SHROOM2: variants seen among roughly 807,000 people sequenced by gnomAD.
SHROOM2 encodes the protein protein Shroom2.
In SHROOM2, 33 loss-of-function variants were observed where a neutral mutation model predicts 75.9. The ratio of observed to expected loss-of-function variants is 0.43; its 90% CI spans 0.33 to 0.58. The LOEUF (loss-of-function observed/expected upper bound fraction) is 0.58, where lower values mean the gene tolerates loss of function less well. SHROOM2 is among the 20% of genes least tolerant of loss of function. The probability of loss-of-function intolerance (pLI) is 0.04; values close to 1 mark genes in which losing one functional copy is unlikely to be tolerated. For missense variants in SHROOM2, 1,434 were observed against 1,461.2 expected, an observed-to-expected ratio of 0.98 and a Z score of 0.30; for synonymous variants, 655 against 663.6, an observed-to-expected ratio of 0.99 and a Z score of 0.20.
intron 1 of SHROOM2, among the ~76,000 whole-genome samples, chrX:9,789,119 A>G (rs1349058414): frequency 9.0e-6 from 1 of 111,604 alleles, no homozygotes; most frequent in Non-Finnish European, 1.9e-5. Context: ...CTTTATTTAC[A>G]TAGTCAAACT....
intron 5 of SHROOM2, among the ~76,000 whole-genome samples, chrX:9,927,604 T>G (rs761651327): frequency 1.8e-5 from 2 of 111,549 alleles, no homozygotes; most frequent in South Asian, 7.4e-4. Flanking sequence ...CTTGAAAAAA[T>G]GCAGCTTCTC....
At chrX:9,818,682 C>T in intron 1 of SHROOM2, 1 of 403,597 alleles carries the variant, frequency 2.5e-6, no homozygotes, top group Non-Finnish European at 4.5e-6. Context: ...GAACTTCAGT[C>T]AGAACAAGAG....
rs550813223 is a variant in SHROOM2, at chrX:9,894,056, G to A, written c.450-302G>A. 3.6e-5 allele frequency among the ~76,000 whole-genome samples: 4 copies of A among 111,254 alleles called. No individual in the cohort carries two copies. In the South Asian group the frequency reaches 1.5e-3, roughly 43 times the overall value. On this transcript the variant is annotated intron_variant, in intron 3 of 9. Coordinates refer to ENST00000380913, the MANE Select transcript of SHROOM2 (RefSeq NM_001649.4). The stretch of plus-strand genomic sequence containing the variant: ...TGACCATAGACGTGTAAATGCAGAC[G>A]TTGCCTGCCAACGATCCGGGCATCA...
At chrX:9,808,938 G>T (rs1157893426) in intron 1 of SHROOM2, among the ~76,000 whole-genome samples, 1 of 110,316 alleles carries the variant, frequency 9.1e-6, no homozygotes, top group Non-Finnish European at 1.9e-5. Context: ...ACAGTTTAGT[G>T]GTATTTTTTC....
At chrX:9,838,311 C>T (rs1010838958) in intron 1 of SHROOM2, among the ~76,000 whole-genome samples, 6 of 110,349 alleles carry the variant, frequency 5.4e-5, no homozygotes, top group East Asian at 2.8e-4. Flanking sequence ...CCACCCGCTT[C>T]GGCCTCCCAA....
intron 1 of SHROOM2, among the ~76,000 whole-genome samples, chrX:9,806,877 C>G (rs961125067): frequency 4.5e-5 from 5 of 111,274 alleles, no homozygotes. Context: ...GCCTGCGCCA[C>G]CATACCTGGC....
intron 1 of SHROOM2, among the ~76,000 whole-genome samples, chrX:9,795,081 T>TC (rs2083687651): frequency 9.9e-6 from 1 of 101,238 alleles, no homozygotes; most frequent in Non-Finnish European, 2.0e-5. Flanking sequence ...GTCTACTTTT[T>TC]CCCTCTCATT....
chrX:9,788,493 G>T (rs73473832), intron 1 of SHROOM2, among the ~76,000 whole-genome samples: 4,139 of 110,976 alleles, frequency 0.037, 173 homozygotes, highest in African/African-American at 0.13. Flanking sequence ...AGGCTGGTTC[G>T]GTCCTGGTCT....
At position 9,895,367 on chromosome X, in the gene SHROOM2, G is replaced by C; in HGVS notation, c.1459G>C (p.Ala487Pro). The change falls in exon 4 of 10, where the codon GCA becomes CCA. Residue 487 changes from alanine (A) to proline (P), a missense_variant. Coordinates refer to ENST00000380913, the MANE Select transcript of SHROOM2 (RefSeq NM_001649.4). ...GCCCTGTGTGCAGGGAGACCTGCAA[G>C]CAGCACAGCTCTGGGCGGGATGCTG... ...PRPCVQGDLQ[A>P]AQLWAGCWPS... The C allele has an allele frequency of 3.4e-6, 4 of 1,188,846 alleles. No individual in the cohort carries two copies. Among genetic ancestry groups the C allele is most frequent in the Non-Finnish European group, 3.4e-6 (3 of 884,531 alleles).
intron 1 of SHROOM2, among the ~76,000 whole-genome samples, chrX:9,800,900 A>G (rs942692382): frequency 2.7e-5 from 3 of 110,938 alleles, no homozygotes; most frequent in Admixed American, 9.7e-5. Flanking sequence ...GCCTCAAGCA[A>G]TCCTCCCACC....
intron 1 of SHROOM2, among the ~76,000 whole-genome samples, chrX:9,867,999 C>T (rs1209105715): frequency 9.1e-6 from 1 of 110,206 alleles, no homozygotes; most frequent in Non-Finnish European, 1.9e-5. Flanking sequence ...TGCTTACACA[C>T]GTGCTTGTGG....
At chrX:9,890,860 C>T (rs756200725) in intron 2 of SHROOM2, 117 bp from the exon 3 acceptor site, 135 of 755,861 alleles carry the variant, frequency 1.8e-4, no homozygotes, top group Non-Finnish European at 2.3e-4. Flanking sequence ...GCCCCCTGCA[C>T]TGTTTGGCAC....
At chrX:9,787,925 T>C (rs750532373) in intron 1 of SHROOM2, among the ~76,000 whole-genome samples, 1 of 111,076 alleles carries the variant, frequency 9.0e-6, no homozygotes, top group South Asian at 3.8e-4. Context: ...GTGTGTATAC[T>C]CTGCCCAGCC....
chrX:9,793,543 G>A (rs1253417875), intron 1 of SHROOM2, among the ~76,000 whole-genome samples: 1 of 110,467 alleles, frequency 9.1e-6, no homozygotes, highest in Non-Finnish European at 1.9e-5. Context: ...GTCCACCTCA[G>A]CCTCCCAAAG....
chrX:9,858,681 T>A (rs533016127), intron 1 of SHROOM2, among the ~76,000 whole-genome samples: 384 of 111,543 alleles, frequency 3.4e-3, no homozygotes, highest in African/African-American at 0.012. Flanking sequence ...GGTGGGCACC[T>A]GTAGTCCCAG....
At position 9,884,352 on chromosome X, in the gene SHROOM2, A is replaced by AT. The variant is rs753442812; in HGVS notation, c.318-6615dup. Among the ~76,000 whole-genome samples, 374 of 63,291 alleles carry AT rather than the reference A, an allele frequency of 5.9e-3. 3 individuals carry two copies. The highest frequency in any genetic ancestry group is 0.021 in the African/African-American group (304 of 14,729). 55.0% of individuals were successfully genotyped at this position (63,291 alleles called of 115,157 possible). On this transcript the variant is annotated intron_variant, in intron 2 of 9. Coordinates refer to ENST00000380913, the MANE Select transcript of SHROOM2 (RefSeq NM_001649.4). ...TTAGGAAAATAACCCAACACTCGTGATTTTTTTTTTCTTTTCTTTTTTTTT... is the reference window on the plus strand; with the variant it reads ...TTAGGAAAATAACCCAACACTCGTGATTTTTTTTTTTCTTTTCTTTTTTTTT...
chrX:9,859,618 C>T (rs190907186), intron 1 of SHROOM2, among the ~76,000 whole-genome samples: 14 of 111,227 alleles, frequency 1.3e-4, no homozygotes, highest in South Asian at 1.1e-3. Context: ...TGCACAGCAG[C>T]GATGGGGGTG....
chrX:9,905,581 A>G (rs958059889), intron 5 of SHROOM2, among the ~76,000 whole-genome samples: 1 of 113,337 alleles, frequency 8.8e-6, no homozygotes, highest in Non-Finnish European at 1.9e-5. Context: ...CGCGGGAGCC[A>G]GTGATGTATT....
chrX:9,790,966 C>T (rs1181897391), intron 1 of SHROOM2, among the ~76,000 whole-genome samples: 2 of 110,618 alleles, frequency 1.8e-5, no homozygotes, highest in Non-Finnish European at 3.8e-5. Flanking sequence ...TGGGAGGATT[C>T]TTCCTCTCTT....
Sources: allele counts gnomAD v4.1 joint callset (sites outside exome capture counted in the v4.1 genomes callset), GRCh38; gene constraint gnomAD v4.1.1; transcripts MANE v1.5; gene names NCBI Gene and HGNC (gene_info 2026-07-23, HGNC 2026-07-21).